Variants in GOLGA1 observed in about 807,000 individuals in gnomAD.
GOLGA1 encodes golgin subfamily A member 1.
Under a neutral mutation model 119.7 loss-of-function variants are expected in GOLGA1, and 63 were observed. That is an observed-to-expected ratio of 0.53 (90% CI 0.43 to 0.65). The LOEUF (loss-of-function observed/expected upper bound fraction) is 0.65. GOLGA1 is among the 30% of genes least tolerant of loss of function. The probability of loss-of-function intolerance (pLI) is 0.00; values close to 1 mark genes in which losing one functional copy is unlikely to be tolerated. For missense variants in GOLGA1, 798 were observed against 912.8 expected, an observed-to-expected ratio of 0.87 and a Z score of 1.62; for synonymous variants, 318 against 333.4, an observed-to-expected ratio of 0.95 and a Z score of 0.50.
upstream of GOLGA1, chr9:124,942,632 A>G (rs952327076): frequency 6.6e-6 from 1 of 152,344 alleles, no homozygotes; most frequent in Admixed American, 6.5e-5. Flanking sequence ...GTTTATTTTT[A>G]TATTGATGAT....
chr9:124,900,970 A>ATTTTT (rs1214606701), intron 12 of GOLGA1, among the ~76,000 whole-genome samples: 1 of 136,748 alleles, frequency 7.3e-6, no homozygotes, highest in Non-Finnish European at 1.6e-5. Context: ...TTCACACAGT[A>ATTTTT]TTTTTTTTTT....
chr9:124,885,521 G>A (rs640052), intron 19 of GOLGA1, among the ~76,000 whole-genome samples: 50,415 of 148,972 alleles, frequency 0.34, 9,270 homozygotes, highest in Middle Eastern at 0.46. Flanking sequence ...AATCAAATCC[G>A]CAGTGTATCA....
chr9:124,903,272 G>GAGGCC (rs966779710), intron 12 of GOLGA1, among the ~76,000 whole-genome samples: 64 of 152,180 alleles, frequency 4.2e-4, no homozygotes, highest in Non-Finnish European at 4.7e-4. Context: ...TGGATCACTT[G>GAGGCC]AGGCCAGGAG....
At chr9:124,898,777 G>T in intron 14 of GOLGA1, 133 bp from the exon 15 acceptor site, 1 of 616,488 alleles carries the variant, frequency 1.6e-6, no homozygotes, top group Non-Finnish European at 2.9e-6. Context: ...AGAAGCAGAG[G>T]GGACTGGTCA....
At chr9:124,905,976 G>A (rs1231285381) in intron 12 of GOLGA1, among the ~76,000 whole-genome samples, 1 of 152,000 alleles carries the variant, frequency 6.6e-6, no homozygotes, top group African/African-American at 2.4e-5. Flanking sequence ...AGTCGGGCGT[G>A]GTGGCACGTG....
intron 15 of GOLGA1, among the ~76,000 whole-genome samples, chr9:124,897,976 G>A (rs1830015830): frequency 1.3e-5 from 2 of 152,202 alleles, no homozygotes; most frequent in South Asian, 4.1e-4. Context: ...ATAAGAAAGT[G>A]ACAGAATCTT....
chr9:124,897,469 C>T (rs939259722), intron 15 of GOLGA1, among the ~76,000 whole-genome samples: 2 of 152,110 alleles, frequency 1.3e-5, no homozygotes, highest in African/African-American at 4.8e-5. Flanking sequence ...CTCAGCCTCC[C>T]AGTTGGGATT....
intron 11 of GOLGA1, among the ~76,000 whole-genome samples, chr9:124,910,929 C>G (rs886358363): frequency 1.3e-5 from 2 of 152,190 alleles, no homozygotes; most frequent in African/African-American, 4.8e-5. Context: ...CTGTCTTCCA[C>G]GAAACCAGTC....
chr9:124,886,143 C>T (rs960968027), intron 19 of GOLGA1, among the ~76,000 whole-genome samples: 5 of 152,222 alleles, frequency 3.3e-5, no homozygotes, highest in Non-Finnish European at 5.9e-5. Context: ...GAGTTTCAGA[C>T]ACCTTAGAGC....
intron 10 of GOLGA1, among the ~76,000 whole-genome samples, chr9:124,912,860 T>C (rs1170454468): frequency 6.6e-6 from 1 of 152,170 alleles, no homozygotes; most frequent in Non-Finnish European, 1.5e-5. Context: ...TCTTTAGCTA[T>C]GATGGTAGTG....
At chr9:124,886,769 C>A (rs1023038339) in intron 19 of GOLGA1, among the ~76,000 whole-genome samples, 2 of 151,982 alleles carry the variant, frequency 1.3e-5, no homozygotes, top group African/African-American at 2.4e-5. Context: ...GGCTGTGGCA[C>A]GTCCCTTCTC....
chr9:124,908,985 G>T (rs1353556404), intron 11 of GOLGA1, among the ~76,000 whole-genome samples: 1 of 152,188 alleles, frequency 6.6e-6, no homozygotes, highest in African/African-American at 2.4e-5. Flanking sequence ...AAAGGAGTTA[G>T]AACTTGATTC....
chr9:124,932,531 A>G (rs1192270480), intron 3 of GOLGA1, among the ~76,000 whole-genome samples: 1 of 152,188 alleles, frequency 6.6e-6, no homozygotes, highest in Non-Finnish European at 1.5e-5. Context: ...CCTCATTTGC[A>G]ATCTGTGATA....
chr9:124,943,469 G>C (rs958532490), upstream of GOLGA1: 2 of 152,130 alleles, frequency 1.3e-5, no homozygotes, highest in Non-Finnish European at 2.9e-5. Flanking sequence ...AGCAGCACTT[G>C]GATAAGAATT....
At position 124,921,753 on chromosome 9, in the gene GOLGA1, T is replaced by C. The variant is rs751326026; in HGVS notation, c.701A>G (p.Gln234Arg). The C allele has an allele frequency of 6.2e-7, 1 of 1,614,006 alleles. No individual in the cohort carries two copies. The highest frequency in any genetic ancestry group is 1.1e-5 in the South Asian group (1 of 91,086). The part of the protein sequence containing the change: ...SDLSQKLEEL[Q>R]RHYSTLEEQR... ...CTCTTCCAGCGTTGAGTAGTGTCTC[T>C]GCAATTCTTCTAGCTTCTGGCTTAA... Residue 234 changes from glutamine to arginine, a missense_variant, in exon 9 of 23, where the codon CAG becomes CGG. Gln to Arg is a conservative substitution (Grantham distance 43). Transcript: ENST00000373555.
Position 124,880,472 on chromosome 9 carries a change from G to T in GOLGA1, c.*58C>A. 1.1e-6 allele frequency: 1 copy of T among 917,754 alleles called. No individual in the cohort carries two copies. Among genetic ancestry groups the T allele is most frequent in the Middle Eastern group, 2.1e-4 (1 of 4,696 alleles). The allele number at this position is 917,754 out of a possible 1,614,324, so 56.9% of individuals were successfully genotyped here. On this transcript the variant is annotated 3_prime_UTR_variant, in exon 23 of 23. Transcript: ENST00000373555. ...AAAACCCACCCAGACTGGTGTGTCA[G>T]TGTTCTTTTCACAGAAAAAGTGTCA...
At chr9:124,897,089 T>G (rs189000204) in intron 15 of GOLGA1, among the ~76,000 whole-genome samples, 231 of 152,292 alleles carry the variant, frequency 1.5e-3, no homozygotes, top group African/African-American at 5.2e-3. Context: ...TCAGAGCCTT[T>G]GTATTTGTTA....
intron 4 of GOLGA1, among the ~76,000 whole-genome samples, chr9:124,929,558 G>A (rs747323434): frequency 1.2e-4 from 18 of 152,140 alleles, no homozygotes; most frequent in Non-Finnish European, 1.9e-4. Context: ...GGCTTAGCCT[G>A]GTGATCAGAA....
intron 19 of GOLGA1, among the ~76,000 whole-genome samples, chr9:124,883,697 C>G (rs1050445521): frequency 2.0e-5 from 3 of 152,036 alleles, no homozygotes; most frequent in African/African-American, 4.8e-5. Flanking sequence ...GTCCACCCAC[C>G]TTGGCCTCCC....
Sources: allele counts gnomAD v4.1 joint callset (sites outside exome capture counted in the v4.1 genomes callset), GRCh38; gene constraint gnomAD v4.1.1; transcripts MANE v1.5; gene names NCBI Gene and HGNC (gene_info 2026-07-23, HGNC 2026-07-21).